AKAP6: variants seen among roughly 807,000 people sequenced by gnomAD.
AKAP6 encodes the protein A-kinase anchor protein 6.
Under a neutral mutation model 188.5 loss-of-function variants are expected in AKAP6, and 58 were observed. The ratio of observed to expected loss-of-function variants is 0.31; its 90% CI spans 0.25 to 0.38. The LOEUF is 0.38. Ranked by LOEUF, AKAP6 falls within the 10% of genes least tolerant of loss-of-function variation. The pLI is 1.00. For missense variants in AKAP6, 2,710 were observed against 2,740.0 expected, an observed-to-expected ratio of 0.99 and a Z score of 0.24; for synonymous variants, 989 against 998.6, an observed-to-expected ratio of 0.99 and a Z score of 0.18.
At chr14:32,539,715 A>C (rs2139129799) in intron 3 of AKAP6, among the ~76,000 whole-genome samples, 1 of 152,282 alleles carries the variant, frequency 6.6e-6, no homozygotes, top group African/African-American at 2.4e-5. Flanking sequence ...ATTTTTGTAT[A>C]TGTTTTCCCC....
intron 12 of AKAP6, among the ~76,000 whole-genome samples, chr14:32,794,123 G>A (rs2033692575): frequency 6.6e-6 from 1 of 152,168 alleles, no homozygotes; most frequent in African/African-American, 2.4e-5. Context: ...CTCAGCAAAT[G>A]CAAAAAACTG....
chr14:32,510,451 C>CATAT lies in AKAP6; in HGVS notation c.325-25098_325-25095dup, dbSNP rs33924445. ...ATATATATATGTGTATATATATATA[C>CATAT]ATATATATGTGTATATATATATATA... On this transcript the variant is annotated intron_variant, in intron 2 of 13. Transcript: ENST00000280979. Among the ~76,000 whole-genome samples, 339 of 35,796 alleles carry CATAT rather than the reference C, an allele frequency of 9.5e-3. 6 individuals are homozygous for CATAT. The highest frequency in any genetic ancestry group is 0.015 in the Non-Finnish European group (253 of 17,216). 23.5% of individuals were successfully genotyped at this position (35,796 alleles called of 152,430 possible).
At chr14:32,747,920 A>G (rs2139892101) in intron 11 of AKAP6, among the ~76,000 whole-genome samples, 1 of 152,302 alleles carries the variant, frequency 6.6e-6, no homozygotes, top group African/African-American at 2.4e-5. Context: ...CTCATTTTAT[A>G]TGTGGTGTTT....
intron 11 of AKAP6, among the ~76,000 whole-genome samples, 164 bp from the exon 12 acceptor site, chr14:32,773,514 G>A (rs967048401): frequency 1.3e-5 from 2 of 152,184 alleles, no homozygotes; most frequent in Admixed American, 1.3e-4. Context: ...TTGGACTTCT[G>A]TAGGAGGCCT....
chr14:32,624,226 G>C (rs531051213), intron 7 of AKAP6, among the ~76,000 whole-genome samples: 1 of 152,252 alleles, frequency 6.6e-6, no homozygotes, highest in African/African-American at 2.4e-5. Context: ...TGTTGTATTA[G>C]GTGGTCGTAA....
intron 11 of AKAP6, among the ~76,000 whole-genome samples, chr14:32,737,210 GTT>G (rs1310176517): frequency 3.3e-5 from 5 of 152,066 alleles, no homozygotes; most frequent in African/African-American, 4.8e-5. Context: ...ACCTTGAGGA[GTT>G]TGATCAGATG....
In AKAP6 at chr14:32,683,112, G is replaced by T. The variant is rs558887490; in HGVS notation, c.2879+4653G>T. 2.6e-5 allele frequency among the ~76,000 whole-genome samples: 4 copies of T among 151,916 alleles called. No homozygotes were observed. In the South Asian group the frequency reaches 8.3e-4, roughly 32 times the overall value. ...GGGTTCAAGCGATTCTTGTCCCTCA[G>T]TCTCTCAAGTGTCTGGGATTACAGG... On this transcript the variant is annotated intron_variant, in intron 8 of 13. Transcript: ENST00000280979.
Position 32,397,449 on chromosome 14 carries a change from C to G in AKAP6, c.-34-36011C>G, listed in dbSNP as rs151020980. Reference sequence around the variant, plus strand: ...CTGGAGTGCAGTAGCGTGATCTCAGCTCACTGCAGTCTCTGCCTCCCAGGT... The same window carrying G: ...CTGGAGTGCAGTAGCGTGATCTCAGGTCACTGCAGTCTCTGCCTCCCAGGT... On this transcript the variant is annotated intron_variant, in intron 1 of 13. Coordinates refer to ENST00000280979, the MANE Select transcript of AKAP6 (RefSeq NM_004274.5). 8.1e-3 allele frequency among the ~76,000 whole-genome samples: 1,210 copies of G among 150,004 alleles called. 9 individuals are homozygous for G. The highest frequency in any genetic ancestry group is 0.014 in the Non-Finnish European group (958 of 67,792).
intron 1 of AKAP6, among the ~76,000 whole-genome samples, chr14:32,334,640 C>T (rs1215276619): frequency 6.6e-6 from 1 of 152,138 alleles, no homozygotes; most frequent in Non-Finnish European, 1.5e-5. Context: ...TTGGTGCTAT[C>T]CATGGTTTCA....
chr14:32,783,383 A>G (rs1342414870), intron 12 of AKAP6, among the ~76,000 whole-genome samples: 2 of 152,156 alleles, frequency 1.3e-5, no homozygotes, highest in African/African-American at 4.8e-5. Context: ...AGAAATATTC[A>G]TGATCTTGTT....
intron 1 of AKAP6, among the ~76,000 whole-genome samples, chr14:32,345,167 C>A (rs949741538): frequency 1.3e-5 from 2 of 152,096 alleles, no homozygotes; most frequent in African/African-American, 2.4e-5. Flanking sequence ...AGTTAAAACA[C>A]AAGGTTGTCA....
intron 2 of AKAP6, among the ~76,000 whole-genome samples, chr14:32,475,177 G>A (rs1246706453): frequency 6.6e-6 from 1 of 152,174 alleles, no homozygotes; most frequent in African/African-American, 2.4e-5. Flanking sequence ...TACTTTGCAT[G>A]CACTATCATG....
chr14:32,739,844 G>A (rs542416841), intron 11 of AKAP6, among the ~76,000 whole-genome samples: 65 of 152,198 alleles, frequency 4.3e-4, no homozygotes, highest in African/African-American at 1.5e-3. Context: ...TGAGAGTGCA[G>A]AAATTTCTTC....
intron 1 of AKAP6, among the ~76,000 whole-genome samples, chr14:32,423,890 G>A (rs1889941984): frequency 6.6e-6 from 1 of 152,040 alleles, no homozygotes; most frequent in Non-Finnish European, 1.5e-5. Context: ...TTGTGAGTAG[G>A]GTTAATGGAT....
Position 32,582,229 on chromosome 14 carries a change from T to G in AKAP6, c.2469+4987T>G, listed in dbSNP as rs540402999. Among the ~76,000 whole-genome samples the G allele has an allele frequency of 8.0e-3, 1,215 of 152,256 alleles. 16 individuals carry two copies. The highest frequency in any genetic ancestry group is 0.028 in the African/African-American group (1,177 of 41,542). ...TCTCAGCATTTGCTTGTCTGTAAAG[T>G]ATTTTATTTTTCCTTCACTTATGAA... On this transcript the variant is annotated intron_variant, in intron 5 of 13. Coordinates refer to ENST00000280979, the MANE Select transcript of AKAP6 (RefSeq NM_004274.5).
chr14:32,613,660 T>G (rs1476677987), intron 7 of AKAP6, among the ~76,000 whole-genome samples: 1 of 152,206 alleles, frequency 6.6e-6, no homozygotes, highest in African/African-American at 2.4e-5. Flanking sequence ...TAATGCCAAC[T>G]TGCTTACTGT....
chr14:32,495,473 T>C (rs1414409345), intron 2 of AKAP6: 1 of 152,142 alleles, frequency 6.6e-6, no homozygotes, highest in Non-Finnish European at 1.5e-5. Flanking sequence ...AGTTTCAGAG[T>C]TGGGCATGAG....
chr14:32,363,895 A>G (rs55785579), intron 1 of AKAP6, among the ~76,000 whole-genome samples: 124 of 152,352 alleles, frequency 8.1e-4, no homozygotes, highest in African/African-American at 2.7e-3. Context: ...GTTGCTAGGG[A>G]AAGAAGAGAG....
In AKAP6 at chr14:32,452,385, A is replaced by G. The variant is rs184288187; in HGVS notation, c.324+18568A>G. ...TTAATCCACTGCCTGGCTGTGTTTT[A>G]ATATATTTTCCTAGTCTCCTATTCA... On this transcript the variant is annotated intron_variant, in intron 2 of 13. Transcript: ENST00000280979. Among the ~76,000 whole-genome samples, 390 of 152,266 alleles carry G rather than the reference A, an allele frequency of 2.6e-3. 1 individual carries two copies. Among genetic ancestry groups the G allele is most frequent in the Non-Finnish European group, 4.4e-3 (296 of 68,020 alleles).
Sources: allele counts gnomAD v4.1 joint callset (sites outside exome capture counted in the v4.1 genomes callset), GRCh38; gene constraint gnomAD v4.1.1; transcripts MANE v1.5; gene names NCBI Gene and HGNC (gene_info 2026-07-23, HGNC 2026-07-21).